CDK14: variants seen among roughly 807,000 people sequenced by gnomAD.
CDK14 encodes the protein cyclin-dependent kinase 14.
CDK14 carries 34 observed loss-of-function variants against 60.7 expected under a neutral mutation model. The observed-to-expected ratio is 0.56, with a 90% CI of 0.43 to 0.75. The LOEUF (loss-of-function observed/expected upper bound fraction) is 0.75. Ranked by LOEUF, CDK14 falls within the 30% of genes least tolerant of loss-of-function variation. CDK14 has a pLI of 0.00. For missense variants in CDK14, 482 were observed against 564.1 expected, an observed-to-expected ratio of 0.85 and a Z score of 1.47; for synonymous variants, 197 against 203.7, an observed-to-expected ratio of 0.97 and a Z score of 0.28.
chr7:91,116,111 A>T (rs1468277993), intron 13 of CDK14, among the ~76,000 whole-genome samples: 2 of 152,238 alleles, frequency 1.3e-5, no homozygotes, highest in Non-Finnish European at 2.9e-5. Flanking sequence ...CTGATTTAGA[A>T]GAAATTCATT....
intron 6 of CDK14, among the ~76,000 whole-genome samples, chr7:90,868,792 A>G (rs1374984812): frequency 6.6e-6 from 1 of 152,198 alleles, no homozygotes; most frequent in Non-Finnish European, 1.5e-5. Flanking sequence ...TCGATGAGGA[A>G]AAATAATGCT....
intron 11 of CDK14, among the ~76,000 whole-genome samples, chr7:91,054,422 C>A (rs553106790): frequency 1.3e-4 from 20 of 152,128 alleles, no homozygotes; most frequent in Non-Finnish European, 2.1e-4. Context: ...TGCTGTCCCT[C>A]CTCCCACAAA....
chr7:90,908,691 A>G (rs1267046100), intron 7 of CDK14, among the ~76,000 whole-genome samples: 1 of 152,158 alleles, frequency 6.6e-6, no homozygotes, highest in Non-Finnish European at 1.5e-5. Flanking sequence ...TTGGATAGGC[A>G]CAGCATTCCT....
At chr7:90,893,328 G>A (rs189866781) in intron 6 of CDK14, among the ~76,000 whole-genome samples, 2 of 152,202 alleles carry the variant, frequency 1.3e-5, no homozygotes, top group African/African-American at 4.8e-5. Context: ...CATAGCCATG[G>A]TAGGGATTGG....
intron 3 of CDK14, among the ~76,000 whole-genome samples, chr7:90,730,957 C>G (rs927344985): frequency 5.3e-5 from 8 of 151,880 alleles, no homozygotes; most frequent in African/African-American, 1.9e-4. Context: ...GTATTGCCAA[C>G]GTTTTCTTCT....
chr7:90,798,759 C>G (rs776361241), intron 5 of CDK14, among the ~76,000 whole-genome samples: 3 of 152,224 alleles, frequency 2.0e-5, no homozygotes, highest in Non-Finnish European at 4.4e-5. Flanking sequence ...AATTTTATCT[C>G]TCATTGAGCT....
At chr7:90,747,349 A>G (rs559522893) in intron 3 of CDK14, among the ~76,000 whole-genome samples, 3 of 152,198 alleles carry the variant, frequency 2.0e-5, no homozygotes, top group Admixed American at 6.5e-5. Flanking sequence ...AGGGAGGGGC[A>G]GGTTTAAAAA....
intron 3 of CDK14, among the ~76,000 whole-genome samples, chr7:90,742,884 T>C (rs1004297929): frequency 1.3e-5 from 2 of 152,070 alleles, no homozygotes; most frequent in South Asian, 4.1e-4. Flanking sequence ...CTATCGGAAA[T>C]GCTTGGTACG....
At chr7:91,002,251 A>T (rs1014862270) in intron 10 of CDK14, among the ~76,000 whole-genome samples, 24 of 152,216 alleles carry the variant, frequency 1.6e-4, no homozygotes, top group Non-Finnish European at 2.6e-4. Context: ...CAAGGAACAT[A>T]CTATGAGAAG....
intron 8 of CDK14, among the ~76,000 whole-genome samples, chr7:90,953,131 A>T (rs905023882): frequency 1.3e-5 from 2 of 152,066 alleles, no homozygotes; most frequent in Non-Finnish European, 2.9e-5. Context: ...CCAAACAGAC[A>T]TTTTTAGGGT....
At chr7:90,799,690 C>CAA (rs11353946) in intron 5 of CDK14, among the ~76,000 whole-genome samples, 540 of 53,558 alleles carry the variant, frequency 0.01, 59 homozygotes, top group African/African-American at 0.012. Flanking sequence ...AACTCCATCT[C>CAA]AAAAAAAAAA....
intron 4 of CDK14, among the ~76,000 whole-genome samples, chr7:90,764,210 T>TAA (rs1431861289): frequency 6.6e-6 from 1 of 152,190 alleles, no homozygotes; most frequent in Non-Finnish European, 1.5e-5. Flanking sequence ...GTACAGTTCT[T>TAA]AGACAGAAAG....
At chr7:91,126,147 CT>C (rs1799937351) in intron 14 of CDK14, among the ~76,000 whole-genome samples, 1 of 152,176 alleles carries the variant, frequency 6.6e-6, no homozygotes, top group East Asian at 1.9e-4. Context: ...CGGGATCATT[CT>C]TCCTAAAATA....
At chr7:91,197,036 T>C (rs1802563536) in intron 14 of CDK14, among the ~76,000 whole-genome samples, 1 of 152,232 alleles carries the variant, frequency 6.6e-6, no homozygotes, top group Admixed American at 6.5e-5. Context: ...ATATTAATCC[T>C]GTTGTTCCTT....
At chr7:91,059,114 C>T (rs1291615359) in intron 11 of CDK14, among the ~76,000 whole-genome samples, 1 of 152,182 alleles carries the variant, frequency 6.6e-6, no homozygotes, top group Non-Finnish European at 1.5e-5. Flanking sequence ...GATTCAACTT[C>T]TTCCTGGTTT....
At chr7:90,656,530 C>G (rs181502070) in intron 2 of CDK14, among the ~76,000 whole-genome samples, 1,853 of 152,216 alleles carry the variant, frequency 0.012, 22 homozygotes, top group Non-Finnish European at 0.021. Flanking sequence ...CAGGCACGTG[C>G]CACCATGCCC....
At chr7:91,065,832 T>A (rs1162385232) in intron 11 of CDK14, among the ~76,000 whole-genome samples, 1 of 152,236 alleles carries the variant, frequency 6.6e-6, no homozygotes, top group Non-Finnish European at 1.5e-5. Context: ...AATAAAATAC[T>A]GTGCCTTCTA....
In CDK14 at chr7:91,102,730, G is replaced by GA. The variant is rs532462955; in HGVS notation, c.1155-9800dup. ...CCACTTCAAAAACCAAACCAAATCA[G>GA]AAAAAAAAAAAAGAAAATGACATCT... On this transcript the variant is annotated intron_variant, in intron 12 of 14. Transcript: ENST00000380050. 9.9e-3 allele frequency among the ~76,000 whole-genome samples: 1,367 copies of GA among 137,514 alleles called. 12 individuals carry two copies. Among genetic ancestry groups the GA allele is most frequent in the African/African-American group, 0.029 (1,102 of 37,634 alleles). The allele number at this position is 137,514 out of a possible 152,430, so 90.2% of individuals were successfully genotyped here.
Position 91,209,718 on chromosome 7 carries a change from C to T in CDK14, c.*2582C>T, listed in dbSNP as rs966660812. The T allele has an allele frequency of 4.6e-5, 7 of 152,480 alleles. No homozygotes were observed. Among genetic ancestry groups the T allele is most frequent in the African/African-American group, 1.7e-4 (7 of 41,402 alleles). The allele number at this position is 152,480 out of a possible 1,614,324, so 9.4% of individuals were successfully genotyped here. ...TGAAAGGAGATTTGACACTTAATTC[C>T]CATTTTCTTAAAATAACAGTTTTGT... On this transcript the variant is annotated 3_prime_UTR_variant, in exon 15 of 15. Transcript: ENST00000380050.
Sources: gnomAD v4.1 joint callset for allele counts (sites outside exome capture counted in the v4.1 genomes callset) on GRCh38, gnomAD v4.1.1 for gene constraint, MANE v1.5 for transcripts, NCBI Gene and HGNC (gene_info 2026-07-23, HGNC 2026-07-21) for gene names.